Variants in SLC7A14 observed in about 807,000 individuals in gnomAD.
SLC7A14 encodes solute carrier family 7 member 14.
A neutral mutation model predicts 60.2 loss-of-function variants in SLC7A14; 37 were observed. The ratio of observed to expected loss-of-function variants is 0.61; its 90% CI spans 0.47 to 0.81. SLC7A14 has a LOEUF of 0.81. SLC7A14 is among the 30% of genes least tolerant of loss of function. The pLI is 0.00. For missense variants in SLC7A14, 886 were observed against 982.7 expected (o/e 0.90, Z 1.32); for synonymous variants, 399 against 395.8 (o/e 1.01, Z -0.10).
intron 4 of SLC7A14, chr3:170,496,781 G>A (rs1477142977): frequency 2.2e-5 from 16 of 717,538 alleles, no homozygotes; most frequent in Non-Finnish European, 4.1e-5. Context: ...GCGGGCTCCA[G>A]CTCATTCAGC....
intron 1 of SLC7A14, among the ~76,000 whole-genome samples, chr3:170,558,472 C>T (rs2108308751): frequency 6.6e-6 from 1 of 152,312 alleles, no homozygotes; most frequent in East Asian, 1.9e-4. Context: ...CCTTGGTATT[C>T]TCAGTTTAGA....
At chr3:170,487,237 A>G (rs376617568) in intron 4 of SLC7A14, among the ~76,000 whole-genome samples, 15 of 148,094 alleles carry the variant, frequency 1.0e-4, no homozygotes, top group African/African-American at 3.5e-4. Context: ...ATATGTCAAA[A>G]TGTCAGTGAA....
At chr3:170,522,099 A>G (rs1238538514) in intron 2 of SLC7A14, among the ~76,000 whole-genome samples, 1 of 152,218 alleles carries the variant, frequency 6.6e-6, no homozygotes, top group Non-Finnish European at 1.5e-5. Flanking sequence ...GGCAAAACAA[A>G]CAAACAAACA....
Position 170,498,798 on chromosome 3 carries a change from A to T in SLC7A14, c.628T>A (p.Ser210Thr). 1.2e-6 allele frequency: 2 copies of T among 1,614,186 alleles called. No homozygotes were observed. Among genetic ancestry groups the T allele is most frequent in the Non-Finnish European group, 1.7e-6 (2 of 1,180,036 alleles). ...TIIVALGVKNSIGFNNVLNVL... is the reference protein window; with the variant it reads ...TIIVALGVKNTIGFNNVLNVL... ...TTGAGAACATTGTTGAAGCCTATGG[A>T]ATTCTTCACCCCCAGAGCAACAATG... Residue 210 changes from serine (S) to threonine (T), a missense_variant, in exon 4 of 8, where the codon TCC (serine) becomes ACC (threonine). By Grantham distance (58) the Ser-to-Thr change is moderately conservative (BLOSUM62 1). Coordinates refer to ENST00000231706, the MANE Select transcript of SLC7A14 (RefSeq NM_020949.3).
At chr3:170,514,109 C>G (rs1247060054) in intron 2 of SLC7A14, among the ~76,000 whole-genome samples, 1 of 152,254 alleles carries the variant, frequency 6.6e-6, no homozygotes, top group Non-Finnish European at 1.5e-5. Context: ...GGGCAAGTGT[C>G]AGGAGCTTTT....
chr3:170,546,526 G>A (rs966175151), intron 1 of SLC7A14, among the ~76,000 whole-genome samples: 1 of 152,124 alleles, frequency 6.6e-6, no homozygotes, highest in African/African-American at 2.4e-5. Flanking sequence ...TTATATGGTG[G>A]TATGAACAGA....
At position 170,461,476 on chromosome 3, in the gene SLC7A14, AT is replaced by A. The variant is rs1426129554; in HGVS notation, c.*5578del. On this transcript the variant is annotated 3_prime_UTR_variant, in exon 8 of 8. Transcript: ENST00000231706. ...AAGTTGCTCTTAAGGAGAAAAAAAA[AT>A]TAAAACAGCCTTTCTTCTAAAACTC... 1.3e-5 allele frequency: 2 copies of A among 151,358 alleles called. No individual in the cohort carries two copies. The highest frequency in any genetic ancestry group is 2.9e-5 in the Non-Finnish European group (2 of 68,004). 9.4% of individuals were successfully genotyped at this position (151,358 alleles called of 1,614,324 possible).
intron 1 of SLC7A14, among the ~76,000 whole-genome samples, chr3:170,574,386 C>G (rs1344223580): frequency 6.6e-6 from 1 of 152,168 alleles, no homozygotes; most frequent in Non-Finnish European, 1.5e-5. Context: ...CTTGGCCACT[C>G]CCAATCTTGC....
chr3:170,545,987 A>AC (rs1310938428), intron 1 of SLC7A14, among the ~76,000 whole-genome samples: 14 of 152,182 alleles, frequency 9.2e-5, no homozygotes, highest in Non-Finnish European at 2.9e-5. Context: ...TGAGCAGGAA[A>AC]CCCTGCTTTA....
rs78664472 is a variant in SLC7A14 at position 170,516,717 on chromosome 3, T to C, written c.304+9916A>G. 2.2e-3 allele frequency among the ~76,000 whole-genome samples: 332 copies of C among 152,184 alleles called. 4 individuals are homozygous for C. In the East Asian group the frequency reaches 0.057, roughly 26 times the overall value. Reference sequence around the variant, plus strand: ...AGGAGTTTGAGGCTGCAGGGAGCCATGATCATGCCACTGCACTTCAGCTTG... The same window carrying C: ...AGGAGTTTGAGGCTGCAGGGAGCCACGATCATGCCACTGCACTTCAGCTTG... On this transcript the variant is annotated intron_variant, in intron 2 of 7. Coordinates refer to ENST00000231706, the MANE Select transcript of SLC7A14 (RefSeq NM_020949.3).
Position 170,498,803 on chromosome 3 carries a change from T to C in SLC7A14, c.623A>G (p.Lys208Arg). 6.2e-7 allele frequency: 1 copy of C among 1,614,132 alleles called. No homozygotes were observed. Among genetic ancestry groups the C allele is most frequent in the South Asian group, 1.1e-5 (1 of 91,082 alleles). The stretch of plus-strand genomic sequence containing the variant: ...AACATTGTTGAAGCCTATGGAATTC[T>C]TCACCCCCAGAGCAACAATGATGGT... ...IVTIIVALGV[K>R]NSIGFNNVLN... The change falls in exon 4 of 8, where the codon AAG becomes AGG. Residue 208 changes from lysine to arginine, a missense_variant. Physicochemically the swap from Lys to Arg is conservative, Grantham distance 26. Coordinates refer to ENST00000231706, the MANE Select transcript of SLC7A14 (RefSeq NM_020949.3).
At position 170,501,202 on chromosome 3, in the gene SLC7A14, C is replaced by T. The variant is rs146405741; in HGVS notation, c.448G>A (p.Gly150Arg). 41 of 1,614,082 alleles carry T rather than the reference C, an allele frequency of 2.5e-5. No individual in the cohort carries two copies. The highest frequency in any genetic ancestry group is 2.5e-4 in the African/African-American group (19 of 74,924). The change falls in exon 3 of 8, where the codon GGA (glycine) becomes AGA (arginine). Residue 150 changes from glycine to arginine, a missense_variant. Physicochemically the swap from Gly to Arg is moderately radical, Grantham distance 125. Transcript: ENST00000231706. ...ILEYLIGTAAGASALSSMFDS... is the reference protein window; with the variant it reads ...ILEYLIGTAARASALSSMFDS... ...AACATGCTGCTCAGAGCACTGGCTC[C>T]GGCCGCAGTGCCAATCAGGTACTCC...
intron 1 of SLC7A14, among the ~76,000 whole-genome samples, chr3:170,546,363 T>C (rs1269511286): frequency 6.6e-6 from 1 of 152,128 alleles, no homozygotes; most frequent in Non-Finnish European, 1.5e-5. Flanking sequence ...GGGGTCTCCT[T>C]GATGCTTCCA....
intron 2 of SLC7A14, among the ~76,000 whole-genome samples, chr3:170,521,718 C>T (rs1043730623): frequency 8.9e-4 from 135 of 152,250 alleles, no homozygotes; most frequent in Non-Finnish European, 3.4e-4. Flanking sequence ...GTCAGGAGTT[C>T]GAGACCAGCC....
rs982420418 is a variant in SLC7A14 at position 170,464,341 on chromosome 3, A to G, written c.*2714T>C. The G allele has an allele frequency of 2.6e-5, 4 of 152,220 alleles. No homozygotes were observed. Among genetic ancestry groups the G allele is most frequent in the Non-Finnish European group, 5.9e-5 (4 of 68,024 alleles). 9.4% of individuals were successfully genotyped at this position (152,220 alleles called of 1,614,324 possible). On this transcript the variant is annotated 3_prime_UTR_variant, in exon 8 of 8. Transcript: ENST00000231706. Reference sequence around the variant, plus strand: ...CTTCCTTGGACTCCCTTCAAGGGGCAAAGTTTCTAAGATAATTATAAGGTG... The same window carrying G: ...CTTCCTTGGACTCCCTTCAAGGGGCGAAGTTTCTAAGATAATTATAAGGTG...
At chr3:170,564,242 C>T (rs1714735817) in intron 1 of SLC7A14, among the ~76,000 whole-genome samples, 1 of 152,188 alleles carries the variant, frequency 6.6e-6, no homozygotes, top group Non-Finnish European at 1.5e-5. Flanking sequence ...AGAACAGAAA[C>T]TGATTCTGAA....
At chr3:170,502,316 G>A (rs1218207386) in intron 2 of SLC7A14, among the ~76,000 whole-genome samples, 1 of 152,210 alleles carries the variant, frequency 6.6e-6, no homozygotes, top group Non-Finnish European at 1.5e-5. Flanking sequence ...GAATCAGGAT[G>A]CTGCATTTTA....
At position 170,538,302 on chromosome 3, in the gene SLC7A14, C is replaced by T. The variant is rs552176215; in HGVS notation, c.-152-11214G>A. On this transcript the variant is annotated intron_variant, in intron 1 of 7. Coordinates refer to ENST00000231706, the MANE Select transcript of SLC7A14 (RefSeq NM_020949.3). ...AAATTACTTTTGTTTTCTCTATTCT[C>T]TGTATCTTTACCCACAGCCAGGCTT... Among the ~76,000 whole-genome samples the T allele has an allele frequency of 1.1e-4, 16 of 152,306 alleles. No individual in the cohort carries two copies. In the South Asian group the frequency reaches 1.4e-3, roughly 14 times the overall value.
At position 170,495,727 on chromosome 3, in the gene SLC7A14, AG is replaced by A. The variant is rs1351169807; in HGVS notation, c.759+2939del. The stretch of plus-strand genomic sequence containing the variant: ...CACACCCAGGAGAAGGAGCAGATCA[AG>A]ACCCTCAACAACAAGTTTGCCTCCT... On this transcript the variant is annotated intron_variant, in intron 4 of 7. Transcript: ENST00000231706. 3.5e-6 allele frequency: 4 copies of A among 1,146,432 alleles called. No homozygotes were observed. The Admixed American group carries it at 6.8e-5, about 19-fold the overall frequency. The allele number at this position is 1,146,432 out of a possible 1,614,324, so 71.0% of individuals were successfully genotyped here. A position where few individuals can be genotyped will look rare whatever the true frequency, so the allele number is the denominator to read the frequency against.
Sources: allele counts gnomAD v4.1 joint callset (sites outside exome capture counted in the v4.1 genomes callset), GRCh38; gene constraint gnomAD v4.1.1; transcripts MANE v1.5; gene names NCBI Gene and HGNC (gene_info 2026-07-23, HGNC 2026-07-21).